Variants in MCTP1 observed in about 807,000 individuals in gnomAD.
The protein encoded by MCTP1 is multiple C2 and transmembrane domain containing 1.
In MCTP1, 69 loss-of-function variants were observed where a neutral mutation model predicts 120.6. The observed-to-expected ratio is 0.57, with a 90% confidence interval of 0.47 to 0.70. The LOEUF (loss-of-function observed/expected upper bound fraction) is 0.70. Ranked by LOEUF, MCTP1 falls within the 30% of genes least tolerant of loss-of-function variation. The pLI is 0.00. For missense variants in MCTP1, 1,203 were observed against 1,248.8 expected (o/e 0.96, Z 0.55); for synonymous variants, 529 against 493.1 (o/e 1.07, Z -0.96).
intron 2 of MCTP1, among the ~76,000 whole-genome samples, chr5:94,999,452 T>C (rs1180987102): frequency 6.6e-6 from 1 of 152,184 alleles, no homozygotes; most frequent in Admixed American, 6.5e-5. Flanking sequence ...AAAAATAACG[T>C]TGGCAAAGTC....
At chr5:94,735,561 G>A (rs1764037121) in intron 19 of MCTP1, among the ~76,000 whole-genome samples, 1 of 152,146 alleles carries the variant, frequency 6.6e-6, no homozygotes, top group African/African-American at 2.4e-5. Context: ...ATAGGCATGA[G>A]CCACTGTGTT....
At chr5:94,708,663 AATTTGAAGAT>A in intron 21 of MCTP1, 54 bp from the exon 22 acceptor site, 1 of 1,145,416 alleles carries the variant, frequency 8.7e-7, no homozygotes, top group East Asian at 2.4e-5. Flanking sequence ...GTGTTGTAGT[AATTTGAAGAT>A]CTAACTTGTA....
intron 1 of MCTP1, among the ~76,000 whole-genome samples, chr5:95,061,408 G>GTTTTTTTTTTTTTTTTTT (rs556663513): frequency 6.0e-5 from 2 of 33,490 alleles, no homozygotes; most frequent in African/African-American, 2.0e-4. Flanking sequence ...CCCCTTAAGG[G>GTTTTTTTTTTTTTTTTTT]TTTTTTTTTT....
chr5:95,241,916 C>A (rs762337726), intron 1 of MCTP1, among the ~76,000 whole-genome samples: 1 of 152,082 alleles, frequency 6.6e-6, no homozygotes, highest in Non-Finnish European at 1.5e-5. Flanking sequence ...AAAAAGGAAA[C>A]ACTGAACCAC....
At chr5:95,065,248 T>G (rs915742312) in intron 1 of MCTP1, among the ~76,000 whole-genome samples, 15 of 152,040 alleles carry the variant, frequency 9.9e-5, no homozygotes, top group African/African-American at 3.6e-4. Context: ...GCATAAAAAT[T>G]TATCATTAAT....
intron 20 of MCTP1, among the ~76,000 whole-genome samples, chr5:94,712,232 A>ATGTT (rs1246409232): frequency 6.6e-6 from 1 of 152,118 alleles, no homozygotes; most frequent in African/African-American, 2.4e-5. Flanking sequence ...TGATGGTAAT[A>ATGTT]TGTTTATGTG....
chr5:94,943,418 A>C (rs1452484121), intron 3 of MCTP1, among the ~76,000 whole-genome samples: 6 of 152,094 alleles, frequency 3.9e-5, no homozygotes, highest in Non-Finnish European at 7.4e-5. Context: ...AGAGACAGAT[A>C]ATGGAAGGAT....
chr5:94,768,481 A>G (rs1773317431), intron 19 of MCTP1, among the ~76,000 whole-genome samples: 1 of 151,872 alleles, frequency 6.6e-6, no homozygotes, highest in African/African-American at 2.4e-5. Context: ...TTTTGCAACT[A>G]TTTATCCAAC....
intron 2 of MCTP1, among the ~76,000 whole-genome samples, chr5:94,971,116 C>T (rs73136088): frequency 0.015 from 2,278 of 152,132 alleles, 62 homozygotes; most frequent in African/African-American, 0.052. Context: ...AGAAAAGTCA[C>T]TTAGGCTCTG....
At chr5:95,118,192 C>A (rs1489947089) in intron 1 of MCTP1, among the ~76,000 whole-genome samples, 1 of 152,114 alleles carries the variant, frequency 6.6e-6, no homozygotes, top group East Asian at 1.9e-4. Context: ...GTACATCCTG[C>A]ACATGTGCCC....
chr5:95,283,925 G>T lies in MCTP1; in HGVS notation c.651C>A (p.Pro217=), dbSNP rs751512122. 1 of 1,398,530 alleles carries T rather than the reference G, an allele frequency of 7.2e-7. No homozygotes were observed. The allele number at this position is 1,398,530 out of a possible 1,614,324, so 86.6% of individuals were successfully genotyped here. A position where few individuals can be genotyped will look rare whatever the true frequency, so the allele number is the denominator to read the frequency against. Residue 217 remains proline, a synonymous_variant, in exon 1 of 23, where the codon CCC becomes CCA. Transcript: ENST00000515393. ...LEQLLEPPPP[P]AEPARSPAES... is the part of the protein sequence containing the mutation. ...CCGCGGGACTCCGCGCCGGCTCTGC[G>T]GGAGGAGGCGGCGGCTCCAGCAGCT...
chr5:95,212,599 A>T (rs1752521246), intron 1 of MCTP1, among the ~76,000 whole-genome samples: 1 of 152,082 alleles, frequency 6.6e-6, no homozygotes, highest in African/African-American at 2.4e-5. Context: ...ATGAACATTG[A>T]TGCAAAAATC....
intron 19 of MCTP1, among the ~76,000 whole-genome samples, chr5:94,716,182 A>C (rs911966272): frequency 6.6e-6 from 1 of 152,144 alleles, no homozygotes; most frequent in Non-Finnish European, 1.5e-5. Context: ...TTAGAGCCTT[A>C]ATTTTAAATT....
intron 1 of MCTP1, among the ~76,000 whole-genome samples, chr5:95,170,509 G>C (rs1747109608): frequency 6.6e-6 from 1 of 152,126 alleles, no homozygotes; most frequent in Admixed American, 6.5e-5. Context: ...TGACAGTGGG[G>C]TGTTAAAGTC....
intron 1 of MCTP1, among the ~76,000 whole-genome samples, chr5:95,266,713 G>C (rs1758913210): frequency 6.6e-6 from 1 of 152,204 alleles, no homozygotes; most frequent in South Asian, 2.1e-4. Context: ...GCTTAAAGCA[G>C]TCCATGTTCA....
At chr5:95,053,127 C>T (rs1401893464) in intron 1 of MCTP1, among the ~76,000 whole-genome samples, 2 of 152,058 alleles carry the variant, frequency 1.3e-5, no homozygotes, top group Admixed American at 1.3e-4. Flanking sequence ...ACATGAAAAT[C>T]AAGGAAATAA....
At chr5:94,709,858 T>C (rs1350988693) in intron 21 of MCTP1, 1 of 152,010 alleles carries the variant, frequency 6.6e-6, no homozygotes, top group Non-Finnish European at 1.5e-5. Context: ...CCAAAAAGAA[T>C]AGGGACAAAG....
chr5:95,053,594 A>G lies in MCTP1; in HGVS notation c.721-36110T>C, dbSNP rs374231428. On this transcript the variant is annotated intron_variant, in intron 1 of 22. Coordinates refer to ENST00000515393, the MANE Select transcript of MCTP1 (RefSeq NM_024717.7). ...AATTTGAGAAGCAAAGCTCCAATCTATATTATTTGTGTTAGAAAGAAAATG... is the reference window on the plus strand; with the variant it reads ...AATTTGAGAAGCAAAGCTCCAATCTGTATTATTTGTGTTAGAAAGAAAATG... 9.8e-5 allele frequency among the ~76,000 whole-genome samples: 15 copies of G among 152,328 alleles called. No homozygotes were observed. In the East Asian group the frequency reaches 2.9e-3, roughly 29 times the overall value.
chr5:94,994,234 G>T (rs1352481867), intron 2 of MCTP1, among the ~76,000 whole-genome samples: 4 of 152,204 alleles, frequency 2.6e-5, no homozygotes, highest in Non-Finnish European at 5.9e-5. Context: ...AGGCCTGAGT[G>T]AGGCTGGAGG....
Sources: allele counts gnomAD v4.1 joint callset (sites outside exome capture counted in the v4.1 genomes callset), GRCh38; gene constraint gnomAD v4.1.1; transcripts MANE v1.5; gene names NCBI Gene and HGNC (gene_info 2026-07-23, HGNC 2026-07-21).